CCSER2: variants seen among roughly 807,000 people sequenced by gnomAD.
The protein encoded by CCSER2 is serine-rich coiled-coil domain-containing protein 2.
In CCSER2, 46 loss-of-function variants were observed where a neutral mutation model predicts 92.3. The observed-to-expected ratio is 0.50, with a 90% confidence interval of 0.39 to 0.64. CCSER2 has a LOEUF of 0.64. Among genes scored for constraint, CCSER2 ranks in the 30% least tolerant of loss-of-function variants. The pLI, the probability that CCSER2 is intolerant of heterozygous loss-of-function variation, is 0.00. For missense variants in CCSER2, 1,244 were observed against 1,238.9 expected, an observed-to-expected ratio of 1.00 and a Z score of -0.06; for synonymous variants, 433 against 431.4, an observed-to-expected ratio of 1.00 and a Z score of -0.04.
Position 84,375,535 on chromosome 10 carries a change from G to GT in CCSER2, c.1614+1736dup, listed in dbSNP as rs5786655. On this transcript the variant is annotated intron_variant, in intron 3 of 9. Transcript: ENST00000372088. ...TGTACCTGTTCAGAATTGTTGGTTT[G>GT]TTTTTTTTTTTTTTTTGGTGAATTG... Among the ~76,000 whole-genome samples the GT allele has an allele frequency of 2.5e-3, 319 of 128,750 alleles. 1 individual carries two copies. The highest frequency in any genetic ancestry group is 0.022 in the East Asian group (100 of 4,514). 84.5% of individuals were successfully genotyped at this position (128,750 alleles called of 152,430 possible). A position where few individuals can be genotyped will look rare whatever the true frequency, so the allele number is the denominator to read the frequency against.
At chr10:84,401,431 T>C (rs1321938625) in intron 3 of CCSER2, among the ~76,000 whole-genome samples, 1 of 152,132 alleles carries the variant, frequency 6.6e-6, no homozygotes, top group Non-Finnish European at 1.5e-5. Flanking sequence ...AGCACATAAA[T>C]TTTTACTACT....
intron 9 of CCSER2, among the ~76,000 whole-genome samples, chr10:84,483,971 A>ATG (rs1847626807): frequency 2.2e-5 from 1 of 45,172 alleles, no homozygotes; most frequent in Non-Finnish European, 6.5e-5. Context: ...ATATATATAT[A>ATG]TATATATATA....
chr10:84,405,842 T>C (rs898499731), intron 3 of CCSER2, among the ~76,000 whole-genome samples: 1 of 152,204 alleles, frequency 6.6e-6, no homozygotes, highest in South Asian at 2.1e-4. Context: ...CATTCATTGC[T>C]GATTGATATG....
rs144665505 is a variant in CCSER2, at chr10:84,410,219, A to T, written c.1615-7552A>T. ...GCTACTGTGAATAGTGCTGTAATGA[A>T]CATATGCATGCATGTATCTTTATAT... On this transcript the variant is annotated intron_variant, in intron 3 of 9. Coordinates refer to ENST00000372088, the MANE Select transcript of CCSER2 (RefSeq NM_001284240.2). 1.1e-3 allele frequency among the ~76,000 whole-genome samples: 171 copies of T among 152,316 alleles called. 1 individual carries two copies. The highest frequency in any genetic ancestry group is 3.9e-3 in the African/African-American group (163 of 41,568).
At chr10:84,506,559 C>A (rs1849057201) in intron 9 of CCSER2, among the ~76,000 whole-genome samples, 1 of 151,618 alleles carries the variant, frequency 6.6e-6, no homozygotes, top group South Asian at 2.1e-4. Context: ...TTTGGGAGGC[C>A]AAGGTGGGTG....
chr10:84,471,027 A>G (rs886460880), intron 8 of CCSER2, among the ~76,000 whole-genome samples: 18 of 152,248 alleles, frequency 1.2e-4, no homozygotes, highest in East Asian at 5.8e-4. Context: ...CTTAGTTTGT[A>G]TATAAAAGAC....
At chr10:84,364,736 A>ATTTTTTTTGTTTTTTT (rs1564600678) in intron 1 of CCSER2, among the ~76,000 whole-genome samples, 1 of 114,612 alleles carries the variant, frequency 8.7e-6, no homozygotes, top group African/African-American at 2.8e-5. Flanking sequence ...GTATTTTTGA[A>ATTTTTTTTGTTTTTTT]TTTTTTTTTG....
intron 6 of CCSER2, among the ~76,000 whole-genome samples, chr10:84,446,378 AT>A (rs1230867799): frequency 6.6e-6 from 1 of 152,034 alleles, no homozygotes; most frequent in Non-Finnish European, 1.5e-5. Flanking sequence ...AAAACCAATA[AT>A]TTTTCCCTCA....
Position 84,518,339 on chromosome 10 carries a change from T to C in CCSER2, c.*4072T>C, listed in dbSNP as rs1849664522. 1 of 152,642 alleles carries C rather than the reference T, an allele frequency of 6.6e-6. No homozygotes were observed. The highest frequency in any genetic ancestry group is 2.1e-4 in the South Asian group (1 of 4,832). The allele number at this position is 152,642 out of a possible 1,614,324, so 9.5% of individuals were successfully genotyped here. A position where few individuals can be genotyped will look rare whatever the true frequency, so the allele number is the denominator to read the frequency against. On this transcript the variant is annotated 3_prime_UTR_variant, in exon 10 of 10. Transcript: ENST00000372088. The stretch of plus-strand genomic sequence containing the variant: ...CCGAGAATGTAAGGTCTCTAAGTCA[T>C]TACTAACAAAGAGCAAAAATAATAT...
intron 9 of CCSER2, among the ~76,000 whole-genome samples, chr10:84,481,372 C>G (rs1327843620): frequency 6.6e-6 from 1 of 151,574 alleles, no homozygotes; most frequent in Non-Finnish European, 1.5e-5. Flanking sequence ...TATCAATACA[C>G]AAAATTTTTT....
intron 5 of CCSER2, among the ~76,000 whole-genome samples, chr10:84,433,023 A>G (rs1203775209): frequency 6.6e-6 from 1 of 152,146 alleles, no homozygotes; most frequent in African/African-American, 2.4e-5. Context: ...TTGACTGTGT[A>G]TATGTGGGTC....
intron 9 of CCSER2, among the ~76,000 whole-genome samples, chr10:84,503,438 A>G (rs1471282017): frequency 1.3e-5 from 2 of 152,198 alleles, no homozygotes; most frequent in Non-Finnish European, 2.9e-5. Flanking sequence ...GAGCTTTTGT[A>G]CAAATTCACT....
At chr10:84,350,502 TAA>T (rs1844802620) in intron 1 of CCSER2, among the ~76,000 whole-genome samples, 1 of 152,238 alleles carries the variant, frequency 6.6e-6, no homozygotes, top group Non-Finnish European at 1.5e-5. Flanking sequence ...GCTAGGTGAT[TAA>T]TAAATATTTG....
chr10:84,491,374 G>T (rs1398352921), intron 9 of CCSER2, among the ~76,000 whole-genome samples: 3 of 152,212 alleles, frequency 2.0e-5, no homozygotes, highest in African/African-American at 7.2e-5. Flanking sequence ...TCCTTGAGCT[G>T]AGGTGGGCTC....
intron 9 of CCSER2, among the ~76,000 whole-genome samples, chr10:84,490,554 C>A (rs943835798): frequency 1.3e-5 from 2 of 152,180 alleles, no homozygotes; most frequent in Non-Finnish European, 2.9e-5. Flanking sequence ...CTTGTGCATT[C>A]GTCACGTAGT....
intron 4 of CCSER2, chr10:84,425,035 G>GAAAAAGT: frequency 1.2e-5 from 12 of 979,858 alleles, no homozygotes; most frequent in Non-Finnish European, 1.2e-5. Context: ...GATATGTGAG[G>GAAAAAGT]AAAAAGTATT....
intron 2 of CCSER2, among the ~76,000 whole-genome samples, chr10:84,373,270 TTAAA>T (rs1466024812): frequency 2.6e-5 from 4 of 152,084 alleles, no homozygotes; most frequent in African/African-American, 9.7e-5. Flanking sequence ...ATCTATGAAG[TTAAA>T]TAGTGTACAC....
chr10:84,406,650 C>A (rs1432921738), intron 3 of CCSER2, among the ~76,000 whole-genome samples: 1 of 152,148 alleles, frequency 6.6e-6, no homozygotes, highest in South Asian at 2.1e-4. Flanking sequence ...TTTTCATTGT[C>A]ATACTCCCAA....
At chr10:84,380,595 G>T (rs1394114383) in intron 3 of CCSER2, among the ~76,000 whole-genome samples, 1 of 151,930 alleles carries the variant, frequency 6.6e-6, no homozygotes, top group Non-Finnish European at 1.5e-5. Context: ...AGATGTTATT[G>T]CATAATGATT....
Sources: gnomAD v4.1 joint callset for allele counts (sites outside exome capture counted in the v4.1 genomes callset) on GRCh38, gnomAD v4.1.1 for gene constraint, MANE v1.5 for transcripts, NCBI Gene and HGNC (gene_info 2026-07-23, HGNC 2026-07-21) for gene names.